The following CDKL5 variants were observed in gnomAD, a reference collection of about 807,000 sequenced individuals.
CDKL5 encodes the protein cyclin-dependent kinase-like 5.
In CDKL5, 8 loss-of-function variants were observed where a neutral mutation model predicts 61.7. The ratio of observed to expected loss-of-function variants is 0.13; its 90% CI spans 0.08 to 0.23. The LOEUF is 0.23. Ranked by LOEUF, CDKL5 falls within the 10% of genes least tolerant of loss-of-function variation. CDKL5 has a pLI of 1.00. For missense variants in CDKL5, 440 were observed against 734.5 expected, an observed-to-expected ratio of 0.60 and a Z score of 4.63; for synonymous variants, 275 against 272.3, an observed-to-expected ratio of 1.01 and a Z score of -0.10.
chrX:18,460,951 G>T (rs894093953), intron 1 of CDKL5, among the ~76,000 whole-genome samples: 3 of 112,365 alleles, frequency 2.7e-5, no homozygotes, highest in African/African-American at 9.7e-5. Context: ...GGAAGATAGG[G>T]TTGGACACGA....
At chrX:18,605,452 C>T (rs1229339180) in intron 12 of CDKL5, among the ~76,000 whole-genome samples, 6 of 111,661 alleles carry the variant, frequency 5.4e-5, no homozygotes, top group African/African-American at 1.3e-4. Context: ...TCTTATTCAT[C>T]GTCAAACTCT....
intron 16 of CDKL5, among the ~76,000 whole-genome samples, chrX:18,622,101 A>G (rs1371503134): frequency 8.9e-5 from 10 of 112,108 alleles, no homozygotes; most frequent in Admixed American, 7.6e-4. Flanking sequence ...CATTAAACCT[A>G]AAGTCCCTGG....
At chrX:18,594,610 A>C (rs764725462) in intron 9 of CDKL5, among the ~76,000 whole-genome samples, 1 of 111,934 alleles carries the variant, frequency 8.9e-6, no homozygotes, top group South Asian at 3.7e-4. Flanking sequence ...AAAAAGCTAT[A>C]AGGATTCTAT....
At chrX:18,598,916 C>T (rs1926096106) in intron 11 of CDKL5, among the ~76,000 whole-genome samples, 1 of 111,347 alleles carries the variant, frequency 9.0e-6, no homozygotes, top group Admixed American at 9.6e-5. Flanking sequence ...GTGAATGAAA[C>T]CCATCAGTGA....
chrX:18,544,985 TG>T (rs1852925974), intron 3 of CDKL5, among the ~76,000 whole-genome samples: 1 of 111,483 alleles, frequency 9.0e-6, no homozygotes, highest in African/African-American at 3.3e-5. Context: ...CCCAGCACTG[TG>T]GGAGGCCAAG....
chrX:18,446,653 C>A (rs926126682), intron 1 of CDKL5, among the ~76,000 whole-genome samples: 2 of 111,696 alleles, frequency 1.8e-5, no homozygotes, highest in African/African-American at 6.5e-5. Flanking sequence ...TTTTAACGTT[C>A]TCAGTGAAGA....
chrX:18,452,326 A>AC (rs1019805598), intron 1 of CDKL5, among the ~76,000 whole-genome samples: 1 of 111,549 alleles, frequency 9.0e-6, no homozygotes, highest in African/African-American at 3.3e-5. Context: ...AAATGGTAAG[A>AC]CCCCTGTATA....
Position 18,582,216 on chromosome X carries a change from GACTTC to G in CDKL5, c.463+269_463+273del, listed in dbSNP as rs766847265. ...TACACCCATATGCCCAATATCTAATGACTTCACAAAAATTTTTTTTGAATGTTGAT... is the reference window on the plus strand; with the variant it reads ...TACACCCATATGCCCAATATCTAATGACAAAAATTTTTTTTGAATGTTGAT... On this transcript the variant is annotated intron_variant, in intron 7 of 17. Coordinates refer to ENST00000623535, the MANE Select transcript of CDKL5 (RefSeq NM_001323289.2). Among the ~76,000 whole-genome samples, 705 of 111,352 alleles carry G rather than the reference GACTTC, an allele frequency of 6.3e-3. 2 individuals are homozygous for G. Among genetic ancestry groups the G allele is most frequent in the Non-Finnish European group, 9.7e-3 (512 of 52,917 alleles).
Position 18,609,467 on chromosome X carries a change from T to C in CDKL5, c.2049T>C (p.Gly683=). The C allele has an allele frequency of 8.3e-7, 1 of 1,211,833 alleles. No homozygotes were observed. The highest frequency in any genetic ancestry group is 1.1e-6 in the Non-Finnish European group (1 of 895,519). The change falls in exon 14 of 18, where the codon GGT becomes GGC. Residue 683 remains glycine (G), a splice_region_variant and synonymous_variant. Coordinates refer to ENST00000623535, the MANE Select transcript of CDKL5 (RefSeq NM_001323289.2). ...TATAAATTTCTTTCCTGCCTCAGGG[T>C]GGAGTGTATCATGACCCACACTCTG... The part of the protein sequence containing the change: ...SSFHTRQKSE[G]GVYHDPHSDD...
At chrX:18,620,037 C>T in intron 16 of CDKL5, 71 bp downstream of exon 16, 4 of 647,789 alleles carry the variant, frequency 6.2e-6, no homozygotes, top group Non-Finnish European at 9.7e-6. Context: ...TTACACTTTG[C>T]ACTTGGCAAT....
At chrX:18,500,535 T>A (rs1922345346) in intron 1 of CDKL5, among the ~76,000 whole-genome samples, 1 of 111,964 alleles carries the variant, frequency 8.9e-6, no homozygotes, top group Non-Finnish European at 1.9e-5. Context: ...ATTGCTTTGA[T>A]TTTAGCCAGG....
intron 9 of CDKL5, among the ~76,000 whole-genome samples, chrX:18,591,015 A>G (rs1311645520): frequency 9.1e-6 from 1 of 110,140 alleles, no homozygotes; most frequent in African/African-American, 3.3e-5. Flanking sequence ...GGGTTTTTCC[A>G]GTTTCATCAA....
At chrX:18,519,957 G>A (rs1923186096) in intron 3 of CDKL5, among the ~76,000 whole-genome samples, 1 of 111,739 alleles carries the variant, frequency 8.9e-6, no homozygotes, top group African/African-American at 3.3e-5. Context: ...ATAAAAGTTA[G>A]AAGGAATTAT....
intron 3 of CDKL5, among the ~76,000 whole-genome samples, chrX:18,518,388 A>ATTTTTTTTTTTCTTT (rs1923112617): frequency 4.7e-5 from 1 of 21,162 alleles, no homozygotes; most frequent in Non-Finnish European, 8.6e-5. Flanking sequence ...TTCTTTTCTT[A>ATTTTTTTTTTTCTTT]TTTTTTTTTT....
Position 18,560,431 on chromosome X carries a change from C to CA in CDKL5, c.100-4040dup, listed in dbSNP as rs766391425. Among the ~76,000 whole-genome samples the CA allele has an allele frequency of 1.1e-4, 12 of 111,881 alleles. No individual in the cohort carries two copies. The East Asian group carries it at 3.4e-3, about 31-fold the overall frequency. ...AGAGAGTGAATAAGCTAAAACAAGG[C>CA]AAAAAATGCAGAAGTTGGCTGAGAT... On this transcript the variant is annotated intron_variant, in intron 3 of 17. Transcript: ENST00000623535.
chrX:18,561,773 A>C (rs1432522331), intron 3 of CDKL5, among the ~76,000 whole-genome samples: 1 of 111,256 alleles, frequency 9.0e-6, no homozygotes, highest in Non-Finnish European at 1.9e-5. Flanking sequence ...AATTATATTA[A>C]ATCTGGATTC....
At chrX:18,442,747 G>T (rs752253106) in intron 1 of CDKL5, among the ~76,000 whole-genome samples, 15 of 111,730 alleles carry the variant, frequency 1.3e-4, no homozygotes, top group African/African-American at 3.9e-4. Flanking sequence ...GCCCGCCTCG[G>T]CCTCCCAAAG....
In CDKL5 at chrX:18,631,595, T is replaced by C. The variant is rs1927238111; in HGVS notation, c.*2838T>C. The C allele has an allele frequency of 2.1e-5, 16 of 753,092 alleles. No individual in the cohort carries two copies. Among genetic ancestry groups the C allele is most frequent in the Non-Finnish European group, 2.3e-5 (15 of 639,112 alleles). The allele number at this position is 753,092 out of a possible 1,213,427, so 62.1% of individuals were successfully genotyped here. A position where few individuals can be genotyped will look rare whatever the true frequency, so the allele number is the denominator to read the frequency against. Reference sequence around the variant, plus strand: ...CCTTTTCTTTAGGAAGGGGAATTCATGACATCCATGTCCTATTATCGGCCG... The same window carrying C: ...CCTTTTCTTTAGGAAGGGGAATTCACGACATCCATGTCCTATTATCGGCCG... On this transcript the variant is annotated 3_prime_UTR_variant, in exon 18 of 18. Coordinates refer to ENST00000623535, the MANE Select transcript of CDKL5 (RefSeq NM_001323289.2).
At chrX:18,481,568 G>A (rs1256604670) in intron 1 of CDKL5, among the ~76,000 whole-genome samples, 1 of 90,740 alleles carries the variant, frequency 1.1e-5, no homozygotes, top group African/African-American at 4.2e-5. Context: ...TTACCATGTT[G>A]CCCAGGCTGG....
Sources: allele counts gnomAD v4.1 joint callset (sites outside exome capture counted in the v4.1 genomes callset), GRCh38; gene constraint gnomAD v4.1.1; transcripts MANE v1.5; gene names NCBI Gene and HGNC (gene_info 2026-07-23, HGNC 2026-07-21).